Variants in NIPAL2 observed in about 807,000 individuals in gnomAD.
The protein encoded by NIPAL2 is NIPA-like protein 2.
A neutral mutation model predicts 48.9 loss-of-function variants in NIPAL2; 43 were observed. The ratio of observed to expected loss-of-function variants is 0.88; its 90% CI spans 0.69 to 1.13. The LOEUF (loss-of-function observed/expected upper bound fraction) is 1.13. NIPAL2 is among the 50% of genes most tolerant of loss of function. The pLI, the probability that NIPAL2 is intolerant of heterozygous loss-of-function variation, is 0.00. For synonymous variants in NIPAL2, 167 were observed against 174.6 expected (o/e 0.96, Z 0.34); for missense variants, 446 against 461.4 (o/e 0.97, Z 0.31).
chr8:98,218,755 G>A (rs4735541), intron 5 of NIPAL2, among the ~76,000 whole-genome samples: 55,773 of 152,036 alleles, frequency 0.37, 12,387 homozygotes, highest in South Asian at 0.52. Flanking sequence ...CCATGCCCAT[G>A]AGGGTGAGTT....
At chr8:98,216,643 C>T (rs1563494519) in intron 5 of NIPAL2, among the ~76,000 whole-genome samples, 2 of 151,972 alleles carry the variant, frequency 1.3e-5, no homozygotes, top group Admixed American at 6.6e-5. Context: ...GGCTTGGCCC[C>T]AGCATCTGCT....
At chr8:98,293,806 T>C (rs998036211) in intron 1 of NIPAL2, among the ~76,000 whole-genome samples, 197 bp downstream of exon 1, 9 of 152,268 alleles carry the variant, frequency 5.9e-5, no homozygotes, top group Non-Finnish European at 8.8e-5. Flanking sequence ...AGAGGAAGAC[T>C]GGGCGGACCC....
intron 5 of NIPAL2, chr8:98,217,099 T>A (rs1811616057): frequency 4.1e-6 from 4 of 985,352 alleles, no homozygotes; most frequent in Non-Finnish European, 4.8e-6. Flanking sequence ...GGATTGCCCA[T>A]CTGCAGCAGA....
chr8:98,236,184 T>G lies in NIPAL2; in HGVS notation c.407A>C (p.Lys136Thr), dbSNP rs774110735. ...TAAGTCTGAGGCTCTCAAATTGTCTTTCAGAAATGTAACAGAAATAATGGC... is the reference window on the plus strand; with the variant it reads ...TAAGTCTGAGGCTCTCAAATTGTCTGTCAGAAATGTAACAGAAATAATGGC... ...GSAIISVTFLKDNLRASDLLG... is the reference protein window; with the variant it reads ...GSAIISVTFLTDNLRASDLLG... Residue 136 changes from lysine (K) to threonine (T), a missense_variant, in exon 4 of 11, where the codon AAA becomes ACA. Lys to Thr is a moderately conservative substitution (Grantham distance 78, BLOSUM62 -1). Coordinates refer to ENST00000430223, the MANE Select transcript of NIPAL2 (RefSeq NM_001321635.2). The G allele has an allele frequency of 6.2e-7, 1 of 1,604,268 alleles. No homozygotes were observed. The highest frequency in any genetic ancestry group is 2.3e-5 in the East Asian group (1 of 44,300).
At chr8:98,199,175 C>T (rs577729233) in intron 8 of NIPAL2, among the ~76,000 whole-genome samples, 179 of 152,126 alleles carry the variant, frequency 1.2e-3, no homozygotes, top group African/African-American at 4.1e-3. Flanking sequence ...AGGCTGGTCT[C>T]GAACTCCCAA....
chr8:98,242,916 A>C (rs936822165), intron 3 of NIPAL2, among the ~76,000 whole-genome samples: 1 of 152,246 alleles, frequency 6.6e-6, no homozygotes, highest in Admixed American at 6.5e-5. Flanking sequence ...AAACATATAA[A>C]ATTATTTGTC....
intron 4 of NIPAL2, among the ~76,000 whole-genome samples, chr8:98,226,403 C>G (rs1812172892): frequency 6.6e-6 from 1 of 152,122 alleles, no homozygotes; most frequent in East Asian, 1.9e-4. Flanking sequence ...GTATTGTGAT[C>G]TAAGTTTTTG....
At chr8:98,286,825 A>AC (rs1563559892) in intron 1 of NIPAL2, among the ~76,000 whole-genome samples, 4 of 147,294 alleles carry the variant, frequency 2.7e-5, no homozygotes, top group African/African-American at 1.0e-4. Flanking sequence ...AAAAAAAAAA[A>AC]AAAAAAAAAC....
intron 1 of NIPAL2, 24 bp downstream of exon 1, chr8:98,293,979 C>T (rs1195033767): frequency 2.8e-6 from 4 of 1,434,108 alleles, no homozygotes; most frequent in South Asian, 2.8e-5. Context: ...CACCGGGCTG[C>T]GGTGGCTGCG....
intron 8 of NIPAL2, among the ~76,000 whole-genome samples, chr8:98,198,446 A>G (rs1342921402): frequency 6.6e-6 from 1 of 152,232 alleles, no homozygotes; most frequent in African/African-American, 2.4e-5. Context: ...TCCTCACAAG[A>G]GAGTCAGCCT....
chr8:98,276,084 A>C (rs1815441933), intron 1 of NIPAL2, among the ~76,000 whole-genome samples: 1 of 152,192 alleles, frequency 6.6e-6, no homozygotes, highest in Admixed American at 6.5e-5. Context: ...ATGAGCCTAC[A>C]TTGAAACATC....
chr8:98,203,022 C>A, intron 8 of NIPAL2, 86 bp downstream of exon 8: 1 of 1,066,018 alleles, frequency 9.4e-7, no homozygotes. Context: ...TCCTTACAAC[C>A]TAAAGATTTC....
intron 5 of NIPAL2, among the ~76,000 whole-genome samples, chr8:98,215,387 A>G (rs138575235): frequency 6.6e-6 from 1 of 152,346 alleles, no homozygotes; most frequent in African/African-American, 2.4e-5. Context: ...TTCTCCCTGA[A>G]AACATCAATA....
rs549133211 is a variant in NIPAL2, at chr8:98,257,524, C to T, written c.136-3437G>A. ...TGCCCGCCTTGACCTACCTAAGTGC[C>T]GGGATTACGGGTGTGAGCCACCACA... On this transcript the variant is annotated intron_variant, in intron 1 of 10. Coordinates refer to ENST00000430223, the MANE Select transcript of NIPAL2 (RefSeq NM_001321635.2). 1.5e-3 allele frequency among the ~76,000 whole-genome samples: 223 copies of T among 151,966 alleles called. 1 individual carries two copies. The highest frequency in any genetic ancestry group is 2.6e-3 in the Non-Finnish European group (180 of 67,988).
chr8:98,194,638 G>T, intron 10 of NIPAL2, 90 bp downstream of exon 10: 1 of 634,870 alleles, frequency 1.6e-6, no homozygotes, highest in Non-Finnish European at 2.6e-6. Context: ...TAAGAATTAT[G>T]TTTTATATTA....
chr8:98,288,379 T>C (rs2130919081), intron 1 of NIPAL2, among the ~76,000 whole-genome samples: 1 of 151,138 alleles, frequency 6.6e-6, no homozygotes, highest in South Asian at 2.1e-4. Context: ...CTCATCATTT[T>C]TTATGGCTGC....
chr8:98,221,623 G>A (rs1173012692), intron 5 of NIPAL2, among the ~76,000 whole-genome samples: 2 of 152,038 alleles, frequency 1.3e-5, no homozygotes, highest in African/African-American at 4.8e-5. Flanking sequence ...GTATACATGT[G>A]CCATGGTGAT....
intron 8 of NIPAL2, among the ~76,000 whole-genome samples, chr8:98,202,204 G>A (rs1810833732): frequency 6.6e-6 from 1 of 152,224 alleles, no homozygotes; most frequent in Non-Finnish European, 1.5e-5. Flanking sequence ...AAAGGCAGTA[G>A]TTTCTATTCT....
At chr8:98,209,418 G>A (rs12542592) in intron 6 of NIPAL2, among the ~76,000 whole-genome samples, 15,645 of 133,668 alleles carry the variant, frequency 0.12, 1,058 homozygotes, top group Middle Eastern at 0.18. Context: ...CAACCAGCCC[G>A]GGCAGCATGG....
Sources: allele counts gnomAD v4.1 joint callset (sites outside exome capture counted in the v4.1 genomes callset), GRCh38; gene constraint gnomAD v4.1.1; transcripts MANE v1.5; gene names NCBI Gene and HGNC (gene_info 2026-07-23, HGNC 2026-07-21).